Variants in VPS13B observed in about 807,000 individuals in gnomAD.
VPS13B encodes the protein intermembrane lipid transfer protein VPS13B.
In VPS13B, 285 loss-of-function variants were observed where a neutral mutation model predicts 426.4. That is an observed-to-expected ratio of 0.67 (90% CI 0.61 to 0.74). The LOEUF (loss-of-function observed/expected upper bound fraction) is 0.74. VPS13B is among the 30% of genes least tolerant of loss of function. VPS13B has a pLI of 0.00. For synonymous variants in VPS13B, 1,676 were observed against 1,676.4 expected (o/e 1.00, Z 0.01); for missense variants, 4,537 against 4,782.6 (o/e 0.95, Z 1.51).
At chr8:99,375,447 G>C (rs995021620) in intron 19 of VPS13B, among the ~76,000 whole-genome samples, 2 of 152,164 alleles carry the variant, frequency 1.3e-5, no homozygotes, top group Non-Finnish European at 2.9e-5. Context: ...CATCCTACGA[G>C]AAGAGGAAGT....
At chr8:99,447,250 C>A (rs932393553) in intron 23 of VPS13B, among the ~76,000 whole-genome samples, 1 of 152,118 alleles carries the variant, frequency 6.6e-6, no homozygotes, top group Admixed American at 6.6e-5. Context: ...AAACTAAATT[C>A]TTGATAAAAG....
intron 22 of VPS13B, among the ~76,000 whole-genome samples, chr8:99,441,872 T>G (rs995946617): frequency 1.3e-5 from 2 of 152,192 alleles, no homozygotes; most frequent in Non-Finnish European, 2.9e-5. Flanking sequence ...TATACTTGAA[T>G]CATTGTATAT....
intron 3 of VPS13B, among the ~76,000 whole-genome samples, chr8:99,047,919 C>T (rs1026433728): frequency 3.9e-5 from 6 of 152,132 alleles, no homozygotes; most frequent in African/African-American, 1.2e-4. Context: ...AACTCCTGAC[C>T]TCAGTGTATC....
chr8:99,831,032 G>T (rs1815012499), intron 51 of VPS13B, among the ~76,000 whole-genome samples: 2 of 145,420 alleles, frequency 1.4e-5, no homozygotes, highest in Non-Finnish European at 3.0e-5. Flanking sequence ...GCAGAACGGA[G>T]CTGTTCCTAT....
At chr8:99,163,056 A>G (rs1411493297) in intron 15 of VPS13B, among the ~76,000 whole-genome samples, 2 of 152,174 alleles carry the variant, frequency 1.3e-5, no homozygotes, top group South Asian at 2.1e-4. Context: ...CAGAGTGTCA[A>G]TTGGTGCATT....
intron 39 of VPS13B, among the ~76,000 whole-genome samples, chr8:99,765,269 A>G (rs1302743551): frequency 6.6e-6 from 1 of 152,204 alleles, no homozygotes; most frequent in South Asian, 2.1e-4. Context: ...TTTTTTTCTC[A>G]TGCTTGTACA....
At chr8:99,043,090 C>T (rs776105107) in intron 3 of VPS13B, among the ~76,000 whole-genome samples, 1 of 152,096 alleles carries the variant, frequency 6.6e-6, no homozygotes, top group Non-Finnish European at 1.5e-5. Context: ...CTCTATCTAG[C>T]AGAACTTTTC....
intron 21 of VPS13B, among the ~76,000 whole-genome samples, chr8:99,397,317 G>T (rs1313882871): frequency 2.0e-5 from 3 of 152,032 alleles, no homozygotes; most frequent in South Asian, 4.1e-4. Flanking sequence ...GCTAATTTTT[G>T]TATTTTTAGT....
chr8:99,582,561 T>G (rs1366256880), intron 33 of VPS13B, among the ~76,000 whole-genome samples: 3 of 152,232 alleles, frequency 2.0e-5, no homozygotes, highest in African/African-American at 4.8e-5. Flanking sequence ...ATAAAGATGA[T>G]ATAAATATTG....
At chr8:99,358,589 A>G (rs1812319281) in intron 19 of VPS13B, among the ~76,000 whole-genome samples, 1 of 152,346 alleles carries the variant, frequency 6.6e-6, no homozygotes, top group African/African-American at 2.4e-5. Flanking sequence ...CCAGTAGTCA[A>G]AAACCTTCAA....
At chr8:99,403,648 G>A (rs1330471123) in intron 21 of VPS13B, among the ~76,000 whole-genome samples, 1 of 152,068 alleles carries the variant, frequency 6.6e-6, no homozygotes, top group Non-Finnish European at 1.5e-5. Context: ...GGAAGGTTAG[G>A]TACTATGATT....
rs747108020 is a variant in VPS13B, at chr8:99,511,101, C to A, written c.4225-3C>A. The A allele has an allele frequency of 1.9e-6, 3 of 1,611,720 alleles. No individual in the cohort carries two copies. Among genetic ancestry groups the A allele is most frequent in the Admixed American group, 3.3e-5 (2 of 59,972 alleles). On this transcript the variant is annotated splice_region_variant and splice_polypyrimidine_tract_variant and intron_variant, in intron 28 of 61. Coordinates refer to ENST00000357162, the MANE Select transcript of VPS13B (RefSeq NM_152564.5). Reference sequence around the variant, plus strand: ...GTATTGTGATTTCCTTTTTTTGGAACAGACAACTACAAAACTTCTAGATGG... The same window carrying A: ...GTATTGTGATTTCCTTTTTTTGGAAAAGACAACTACAAAACTTCTAGATGG...
At chr8:99,814,618 T>C (rs1813912425) in intron 44 of VPS13B, among the ~76,000 whole-genome samples, 1 of 152,162 alleles carries the variant, frequency 6.6e-6, no homozygotes, top group African/African-American at 2.4e-5. Flanking sequence ...CAGAGTTCCA[T>C]GTTTACCCTG....
At chr8:99,476,441 A>G (rs1201729984) in intron 24 of VPS13B, among the ~76,000 whole-genome samples, 2 of 150,850 alleles carry the variant, frequency 1.3e-5, no homozygotes, top group Non-Finnish European at 2.9e-5. Flanking sequence ...CAGTAAGCAA[A>G]TTCTTATTGA....
At chr8:99,092,597 TTTGA>T (rs1237606581) in intron 3 of VPS13B, among the ~76,000 whole-genome samples, 4 of 152,070 alleles carry the variant, frequency 2.6e-5, no homozygotes, top group Admixed American at 2.0e-4. Flanking sequence ...ATTTATTTAA[TTTGA>T]TTGGGGCATG....
intron 19 of VPS13B, among the ~76,000 whole-genome samples, chr8:99,329,988 A>G (rs1269805720): frequency 6.6e-6 from 1 of 151,838 alleles, no homozygotes; most frequent in Non-Finnish European, 1.5e-5. Context: ...AGACAGTGCT[A>G]TATTTCCTAT....
At chr8:99,024,426 A>G (rs1214255068) in intron 2 of VPS13B, among the ~76,000 whole-genome samples, 1 of 152,242 alleles carries the variant, frequency 6.6e-6, no homozygotes, top group Non-Finnish European at 1.5e-5. Context: ...GTAGTTCCAT[A>G]GTTCCAGGAA....
At chr8:99,391,907 G>A (rs1814469455) in intron 21 of VPS13B, among the ~76,000 whole-genome samples, 1 of 152,162 alleles carries the variant, frequency 6.6e-6, no homozygotes, top group Admixed American at 6.5e-5. Flanking sequence ...TCCATAAGGT[G>A]GCATGAAGAG....
In VPS13B at chr8:99,580,325, A is replaced by AAT. The variant is rs72284628; in HGVS notation, c.5220+2707_5220+2708dup. On this transcript the variant is annotated intron_variant, in intron 33 of 61. Coordinates refer to ENST00000357162, the MANE Select transcript of VPS13B (RefSeq NM_152564.5). The stretch of plus-strand genomic sequence containing the variant: ...TGTATAATTAATATATATAACATTA[A>AAT]ATATATATATATATATTTCTTTTCT... Among the ~76,000 whole-genome samples the AAT allele has an allele frequency of 3.2e-3, 467 of 146,732 alleles. 3 individuals carry two copies. The highest frequency in any genetic ancestry group is 8.3e-3 in the African/African-American group (333 of 40,348).
Sources: gnomAD v4.1 joint callset for allele counts (sites outside exome capture counted in the v4.1 genomes callset) on GRCh38, gnomAD v4.1.1 for gene constraint, MANE v1.5 for transcripts, NCBI Gene and HGNC (gene_info 2026-07-23, HGNC 2026-07-21) for gene names.